Variants in PSME4 observed in about 807,000 individuals in gnomAD.
The protein encoded by PSME4 is proteasome activator complex subunit 4.
PSME4 carries 89 observed loss-of-function variants against 253.9 expected under a neutral mutation model. The observed-to-expected ratio is 0.35, with a 90% CI of 0.30 to 0.42. PSME4 has a LOEUF of 0.42. Ranked by LOEUF, PSME4 falls within the 10% of genes least tolerant of loss-of-function variation. PSME4 has a pLI of 1.00. For synonymous variants in PSME4, 851 were observed against 759.2 expected, an observed-to-expected ratio of 1.12 and a Z score of -1.99; for missense variants, 2,014 against 2,195.2, an observed-to-expected ratio of 0.92 and a Z score of 1.65.
chr2:53,866,611 G>T, intron 45 of PSME4, 136 bp downstream of exon 45: 1 of 927,592 alleles, frequency 1.1e-6, no homozygotes, highest in South Asian at 2.2e-5. Context: ...ATAATTACTG[G>T]TGAGCAGACT....
At chr2:53,940,205 C>T (rs533013189) in intron 3 of PSME4, among the ~76,000 whole-genome samples, 15 of 152,040 alleles carry the variant, frequency 9.9e-5, no homozygotes, top group African/African-American at 3.1e-4. Flanking sequence ...GCCCTCATTT[C>T]GCTGTCTCTG....
At chr2:53,954,888 T>C (rs576302702) in intron 1 of PSME4, among the ~76,000 whole-genome samples, 60 of 151,296 alleles carry the variant, frequency 4.0e-4, no homozygotes, top group South Asian at 1.0e-3. Context: ...AAAGTCAAAA[T>C]GCCAAAATGA....
intron 14 of PSME4, among the ~76,000 whole-genome samples, chr2:53,924,355 G>T (rs894171746): frequency 6.6e-6 from 1 of 152,260 alleles, no homozygotes; most frequent in African/African-American, 2.4e-5. Context: ...ATTTAACAGT[G>T]ATAATTACAG....
chr2:53,923,183 A>C, intron 15 of PSME4, 65 bp from the exon 16 acceptor site: 1 of 1,498,614 alleles, frequency 6.7e-7, no homozygotes, highest in Non-Finnish European at 9.1e-7. Context: ...TTATATTTTC[A>C]GTGGCAGTAA....
At chr2:53,887,673 C>T (rs964787176) in intron 39 of PSME4, among the ~76,000 whole-genome samples, 185 bp downstream of exon 39, 3 of 152,268 alleles carry the variant, frequency 2.0e-5, no homozygotes, top group East Asian at 1.9e-4. Context: ...CTTCTGAGCA[C>T]ACTGCTGTCC....
At chr2:53,893,065 G>T in intron 35 of PSME4, 105 bp from the exon 36 acceptor site, 1 of 1,013,964 alleles carries the variant, frequency 9.9e-7, no homozygotes, top group African/African-American at 1.6e-5. Context: ...AAAGCTCCAA[G>T]CACACTCCCC....
chr2:53,965,052 C>T (rs781617725), intron 1 of PSME4, among the ~76,000 whole-genome samples: 12 of 151,930 alleles, frequency 7.9e-5, no homozygotes, highest in Non-Finnish European at 1.2e-4. Flanking sequence ...TTACACCAAA[C>T]CCACATACTT....
chr2:53,920,572 T>C (rs886599571), intron 18 of PSME4, among the ~76,000 whole-genome samples: 2 of 152,224 alleles, frequency 1.3e-5, no homozygotes, highest in Admixed American at 6.5e-5. Flanking sequence ...CATTATAATA[T>C]GAGTTTGCTC....
Position 53,940,972 on chromosome 2 carries a change from T to TAC in PSME4, c.501-973_501-972insGT, listed in dbSNP as rs1223417483. Among the ~76,000 whole-genome samples the TAC allele has an allele frequency of 6.3e-5, 4 of 63,022 alleles. 1 individual carries two copies. Among genetic ancestry groups the TAC allele is most frequent in the Admixed American group, 5.2e-4 (3 of 5,780 alleles). 41.3% of individuals were successfully genotyped at this position (63,022 alleles called of 152,430 possible). A position where few individuals can be genotyped will look rare whatever the true frequency, so the allele number is the denominator to read the frequency against. On this transcript the variant is annotated intron_variant, in intron 3 of 46. Coordinates refer to ENST00000404125, the MANE Select transcript of PSME4 (RefSeq NM_014614.3). ...ATATACATATATATATATATATATATATATATATATATATATATATATATA... is the reference window on the plus strand; with the variant it reads ...ATATACATATATATATATATATATATACATATATATATATATATATATATATA...
At chr2:53,883,809 T>C (rs1294132369) in intron 41 of PSME4, among the ~76,000 whole-genome samples, 6 of 152,170 alleles carry the variant, frequency 3.9e-5, no homozygotes, top group Admixed American at 3.3e-4. Flanking sequence ...TGGTTTTAAG[T>C]ATCATCTCTG....
chr2:53,965,863 G>A (rs965619877), intron 1 of PSME4, among the ~76,000 whole-genome samples: 2 of 151,468 alleles, frequency 1.3e-5, no homozygotes, highest in African/African-American at 2.4e-5. Flanking sequence ...CAGCAGAGAC[G>A]GGGTTTCACC....
intron 27 of PSME4, among the ~76,000 whole-genome samples, chr2:53,903,745 T>A (rs762168999): frequency 6.6e-6 from 1 of 152,186 alleles, no homozygotes; most frequent in Non-Finnish European, 1.5e-5. Context: ...TTCTTCATCA[T>A]AATACTGATC....
rs969823665 is a variant in PSME4 at position 53,920,029 on chromosome 2, A to C, written c.2420+164T>G. 4.1e-4 allele frequency among the ~76,000 whole-genome samples: 63 copies of C among 152,182 alleles called. 1 individual carries two copies. The highest frequency in any genetic ancestry group is 1.5e-3 in the African/African-American group (62 of 41,448). On this transcript the variant is annotated intron_variant, in intron 19 of 46. Transcript: ENST00000404125. The stretch of plus-strand genomic sequence containing the variant: ...GGTTTAAAATGTTTAAATGTTGTTA[A>C]ATTTTCTGTTATACAACATTATATT...
chr2:53,893,546 G>T, intron 35 of PSME4, 128 bp downstream of exon 35: 7 of 1,515,304 alleles, frequency 4.6e-6, no homozygotes, highest in Non-Finnish European at 6.2e-6. Context: ...TACATGTTCA[G>T]TGTAAATTCC....
At chr2:53,868,626 C>G (rs1191786634) in intron 44 of PSME4, among the ~76,000 whole-genome samples, 1 of 134,970 alleles carries the variant, frequency 7.4e-6, no homozygotes, top group East Asian at 2.0e-4. Flanking sequence ...TATATATATC[C>G]CAAAAAGCAA....
chr2:53,872,419 GAT>G (rs1202048996), intron 43 of PSME4, among the ~76,000 whole-genome samples: 19 of 152,202 alleles, frequency 1.2e-4, no homozygotes, highest in African/African-American at 4.6e-4. Flanking sequence ...TTAAAAATAT[GAT>G]AGTTTTAATG....
intron 32 of PSME4, 96 bp from the exon 33 acceptor site, chr2:53,895,832 C>A: frequency 9.4e-7 from 1 of 1,062,354 alleles, no homozygotes; most frequent in Non-Finnish European, 1.4e-6. Context: ...ACTTTGTCTT[C>A]ACAAAACAAC....
At chr2:53,967,415 C>G (rs569468269) in intron 1 of PSME4, among the ~76,000 whole-genome samples, 2 of 151,622 alleles carry the variant, frequency 1.3e-5, no homozygotes, top group African/African-American at 4.8e-5. Context: ...TTTGGGAGGC[C>G]GAGGCACACA....
intron 3 of PSME4, among the ~76,000 whole-genome samples, chr2:53,943,846 CAAAAA>C (rs5831284): frequency 8.6e-5 from 7 of 81,332 alleles, no homozygotes; most frequent in Admixed American, 3.0e-4. Context: ...AACTCCATCT[CAAAAA>C]AAAAAAAAAA....
Sources: gnomAD v4.1 joint callset for allele counts (sites outside exome capture counted in the v4.1 genomes callset) on GRCh38, gnomAD v4.1.1 for gene constraint, MANE v1.5 for transcripts, NCBI Gene and HGNC (gene_info 2026-07-23, HGNC 2026-07-21) for gene names.